Variants in TRA2A observed in about 807,000 individuals in gnomAD.
TRA2A encodes transformer 2 alpha homolog.
Under a neutral mutation model 45.7 loss-of-function variants are expected in TRA2A, and 31 were observed. The observed-to-expected ratio is 0.68, with a 90% CI of 0.51 to 0.92. TRA2A has a LOEUF of 0.92. TRA2A is among the 40% of genes least tolerant of loss of function. TRA2A has a pLI of 0.00. For synonymous variants in TRA2A, 132 were observed against 126.2 expected (o/e 1.05, Z -0.31); for missense variants, 304 against 367.5 (o/e 0.83, Z 1.41).
intron 4 of TRA2A, among the ~76,000 whole-genome samples, chr7:23,509,555 G>A (rs1789500112): frequency 6.6e-6 from 1 of 152,142 alleles, no homozygotes; most frequent in Non-Finnish European, 1.5e-5. Flanking sequence ...GGCCAACATG[G>A]TGAAACCCCA....
At chr7:23,511,208 A>T (rs1228038561) in intron 4 of TRA2A, among the ~76,000 whole-genome samples, 1 of 151,746 alleles carries the variant, frequency 6.6e-6, no homozygotes, top group Non-Finnish European at 1.5e-5. Context: ...TGCCTCTACT[A>T]AAAATACAAA....
Position 23,513,084 on chromosome 7 carries a change from T to C in TRA2A, c.337-2A>G. On this transcript the variant is annotated splice_acceptor_variant, in intron 3 of 7. Coordinates refer to ENST00000297071, the MANE Select transcript of TRA2A (RefSeq NM_013293.5). LOFTEE classifies it high-confidence loss of function. Reference sequence around the variant, plus strand: ...GCAAGTGTTGGGATCTGGATTTGCCTATTGAATGGAAATATTATTTAAAAC... The same window carrying C: ...GCAAGTGTTGGGATCTGGATTTGCCCATTGAATGGAAATATTATTTAAAAC... The C allele has an allele frequency of 1.3e-6, 2 of 1,575,002 alleles. No homozygotes were observed. Among genetic ancestry groups the C allele is most frequent in the Non-Finnish European group, 1.7e-6 (2 of 1,162,566 alleles).
rs138340316 is a variant in TRA2A, at chr7:23,508,832, C to T, written c.526-1297G>A. Among the ~76,000 whole-genome samples the T allele has an allele frequency of 1.7e-3, 260 of 152,224 alleles. 1 individual carries two copies. Among genetic ancestry groups the T allele is most frequent in the African/African-American group, 5.9e-3 (244 of 41,568 alleles). ...TTTTGTAGAGACAAGATCTGTTGCC[C>T]AGGCTGGTCTCTTAACTCGTGGCCT... On this transcript the variant is annotated intron_variant, in intron 4 of 7. Coordinates refer to ENST00000297071, the MANE Select transcript of TRA2A (RefSeq NM_013293.5).
intron 1 of TRA2A, chr7:23,531,183 CTTCAT>C: frequency 1.0e-6 from 1 of 985,464 alleles, no homozygotes; most frequent in South Asian, 4.7e-5. Context: ...TGACTAACCA[CTTCAT>C]TAGGCTCGTC....
intron 1 of TRA2A, among the ~76,000 whole-genome samples, chr7:23,531,004 A>T (rs1407239705): frequency 6.6e-6 from 1 of 152,150 alleles, no homozygotes; most frequent in Non-Finnish European, 1.5e-5. Context: ...AGATATAAAG[A>T]AGAGAAAAAA....
chr7:23,507,619 T>TA, intron 4 of TRA2A, 84 bp from the exon 5 acceptor site: 1 of 945,304 alleles, frequency 1.1e-6, no homozygotes. Context: ...AAAGTATATG[T>TA]AATCCAAATA....
In TRA2A at chr7:23,517,503, A is replaced by AAG. The variant is rs1554347123; in HGVS notation, c.171-977_171-976dup. Reference sequence around the variant, plus strand: ...AAAAAAAAAAAAAAAAAAAAAAAAAAAGAGAGAAAGAAAGAAAAATCACTT... The same window carrying AAG: ...AAAAAAAAAAAAAAAAAAAAAAAAAAAGAGAGAGAAAGAAAGAAAAATCACTT... On this transcript the variant is annotated intron_variant, in intron 2 of 7. Transcript: ENST00000297071. 6.6e-3 allele frequency among the ~76,000 whole-genome samples: 768 copies of AAG among 116,200 alleles called. 55 individuals carry two copies. The highest frequency in any genetic ancestry group is 8.7e-3 in the Non-Finnish European group (488 of 56,002). The allele number at this position is 116,200 out of a possible 152,430, so 76.2% of individuals were successfully genotyped here.
intron 2 of TRA2A, among the ~76,000 whole-genome samples, chr7:23,518,941 T>C (rs1021825080): frequency 2.0e-5 from 3 of 151,986 alleles, no homozygotes; most frequent in Non-Finnish European, 4.4e-5. Flanking sequence ...CCCCTCCTTG[T>C]GCTCCCAAAG....
chr7:23,517,888 G>A (rs1789959161), intron 2 of TRA2A, among the ~76,000 whole-genome samples: 1 of 151,664 alleles, frequency 6.6e-6, no homozygotes, highest in South Asian at 2.1e-4. Context: ...CTCCAGCCTG[G>A]GAACAAGCAC....
chr7:23,512,959 G>C lies in TRA2A; in HGVS notation c.460C>G (p.Gln154Glu). The C allele has an allele frequency of 1.2e-6, 2 of 1,613,890 alleles. No individual in the cohort carries two copies. The highest frequency in any genetic ancestry group is 2.2e-5 in the South Asian group (2 of 91,038). The change falls in exon 4 of 8, where the codon CAG (glutamine) becomes GAG (glutamate). Residue 154 changes from glutamine to glutamate, a missense_variant. By Grantham distance (29) the Gln-to-Glu change is conservative (BLOSUM62 2). Around this residue, in one of 3 missense-constraint regions of TRA2A, gnomAD observed 130 missense variants for 217.1 expected, o/e 0.60. Coordinates refer to ENST00000297071, the MANE Select transcript of TRA2A (RefSeq NM_013293.5). The part of the protein sequence containing the change: ...PLSGVNVVYD[Q>E]RTGRSRGFAF... ...AATCCTCGAGATCGCCCAGTTCGCT[G>C]ATCATAAACCACATTGACACCACTC...
At chr7:23,520,743 T>C (rs1477615850) in intron 2 of TRA2A, among the ~76,000 whole-genome samples, 3 of 146,310 alleles carry the variant, frequency 2.1e-5, no homozygotes, top group Admixed American at 7.2e-5. Flanking sequence ...CAGGGTGGAG[T>C]GCACTGGCGC....
intron 1 of TRA2A, among the ~76,000 whole-genome samples, chr7:23,523,656 C>T (rs1790226183): frequency 6.6e-6 from 1 of 152,170 alleles, no homozygotes; most frequent in African/African-American, 2.4e-5. Flanking sequence ...CAGCTCAATA[C>T]CAACCTTTCC....
intron 1 of TRA2A, among the ~76,000 whole-genome samples, chr7:23,526,716 T>G (rs994114223): frequency 6.6e-6 from 1 of 152,174 alleles, no homozygotes; most frequent in African/African-American, 2.4e-5. Context: ...ACAAATCCCT[T>G]AAAAAGAAGA....
At chr7:23,524,022 G>A (rs1790241577) in intron 1 of TRA2A, among the ~76,000 whole-genome samples, 2 of 152,246 alleles carry the variant, frequency 1.3e-5, no homozygotes, top group South Asian at 4.1e-4. Flanking sequence ...GCTTTGCTCT[G>A]TAAAACACTA....
chr7:23,525,799 T>G (rs1790316393), intron 1 of TRA2A, among the ~76,000 whole-genome samples: 1 of 152,184 alleles, frequency 6.6e-6, no homozygotes, highest in South Asian at 2.1e-4. Context: ...TTTCACCACA[T>G]TGGCCAGGCT....
At chr7:23,517,503 A>AAAAAAAGAG (rs764849438) in intron 2 of TRA2A, among the ~76,000 whole-genome samples, 2 of 116,206 alleles carry the variant, frequency 1.7e-5, no homozygotes, top group Non-Finnish European at 3.6e-5. Flanking sequence ...AAAAAAAAAA[A>AAAAAAAGAG]AGAGAGAAAG....
intron 1 of TRA2A, among the ~76,000 whole-genome samples, chr7:23,526,125 T>C (rs756960353): frequency 2.0e-5 from 3 of 152,234 alleles, no homozygotes; most frequent in Non-Finnish European, 4.4e-5. Context: ...AGGGTTATTA[T>C]ATACATGTAC....
chr7:23,517,013 C>A (rs1157470995), intron 2 of TRA2A, among the ~76,000 whole-genome samples: 3 of 152,016 alleles, frequency 2.0e-5, no homozygotes, highest in African/African-American at 7.2e-5. Context: ...GAGGCTGAGG[C>A]AGGAGAATCG....
chr7:23,518,740 A>AGT (rs1019534502), intron 2 of TRA2A, among the ~76,000 whole-genome samples: 5 of 148,358 alleles, frequency 3.4e-5, no homozygotes, highest in Non-Finnish European at 7.4e-5. Context: ...TGGAGTGTGC[A>AGT]GTGGCCTGAT....
Sources: gnomAD v4.1 joint callset for allele counts (sites outside exome capture counted in the v4.1 genomes callset) on GRCh38, gnomAD v4.1.1 for gene constraint, gnomAD v4.1.1 regional missense constraint, MANE v1.5 for transcripts, NCBI Gene and HGNC (gene_info 2026-07-23, HGNC 2026-07-21) for gene names.